WWP1: variants seen among roughly 807,000 people sequenced by gnomAD.
WWP1 encodes WW domain containing E3 ubiquitin protein ligase 1.
A neutral mutation model predicts 130.6 loss-of-function variants in WWP1; 49 were observed. That is an observed-to-expected ratio of 0.38 (90% CI 0.30 to 0.48). The LOEUF (loss-of-function observed/expected upper bound fraction) is 0.48, where lower values mean the gene tolerates loss of function less well. WWP1 is among the 20% of genes least tolerant of loss of function. The pLI is 0.99. For synonymous variants in WWP1, 332 were observed against 367.8 expected (o/e 0.90, Z 1.11); for missense variants, 809 against 1,100.6 (o/e 0.74, Z 3.75).
At chr8:86,454,804 G>A (rs1811353435) in intron 21 of WWP1, among the ~76,000 whole-genome samples, 3 of 152,034 alleles carry the variant, frequency 2.0e-5, no homozygotes, top group Non-Finnish European at 4.4e-5. Context: ...CTGTATGTGG[G>A]AAGGCCATAT....
chr8:86,375,715 T>A (rs983864692), intron 3 of WWP1, among the ~76,000 whole-genome samples: 1 of 152,206 alleles, frequency 6.6e-6, no homozygotes, highest in Non-Finnish European at 1.5e-5. Context: ...TTACCAATAG[T>A]GCTGCAACAA....
At chr8:86,452,938 A>G (rs1368215674) in intron 21 of WWP1, among the ~76,000 whole-genome samples, 1 of 152,184 alleles carries the variant, frequency 6.6e-6, no homozygotes, top group Non-Finnish European at 1.5e-5. Flanking sequence ...TTGTTGGAAC[A>G]TTATTAATAA....
chr8:86,366,588 T>A (rs1049198308), intron 1 of WWP1, among the ~76,000 whole-genome samples: 1 of 152,206 alleles, frequency 6.6e-6, no homozygotes, highest in Admixed American at 6.5e-5. Flanking sequence ...CTTTCTGAAT[T>A]TGCAGGTCAC....
chr8:86,356,018 T>C (rs1823232910), intron 1 of WWP1, among the ~76,000 whole-genome samples: 1 of 152,210 alleles, frequency 6.6e-6, no homozygotes, highest in African/African-American at 2.4e-5. Flanking sequence ...TCTTATCTGT[T>C]AATGGGACTA....
chr8:86,362,179 T>TAGGC, intron 1 of WWP1, among the ~76,000 whole-genome samples: 6 of 126,216 alleles, frequency 4.8e-5, no homozygotes, highest in African/African-American at 9.6e-5. Flanking sequence ...TATATATATA[T>TAGGC]ATATATATAT....
At chr8:86,401,920 A>G in intron 7 of WWP1, 99 bp from the exon 8 acceptor site, 1 of 1,204,372 alleles carries the variant, frequency 8.3e-7, no homozygotes, top group Non-Finnish European at 1.1e-6. Context: ...GAAATAACAA[A>G]AAAGAAACTT....
intron 1 of WWP1, among the ~76,000 whole-genome samples, chr8:86,348,418 A>T (rs1025293118): frequency 1.3e-5 from 2 of 152,058 alleles, no homozygotes; most frequent in Non-Finnish European, 2.9e-5. Flanking sequence ...GGGTTTCTCC[A>T]TGTTGGTCAG....
At chr8:86,371,456 G>A (rs1824293395) in intron 2 of WWP1, among the ~76,000 whole-genome samples, 1 of 152,134 alleles carries the variant, frequency 6.6e-6, no homozygotes, top group African/African-American at 2.4e-5. Flanking sequence ...ACGCCTACCA[G>A]CGGTGTATAA....
At chr8:86,345,810 A>T (rs1050698693) in intron 1 of WWP1, among the ~76,000 whole-genome samples, 2 of 152,114 alleles carry the variant, frequency 1.3e-5, no homozygotes, top group Non-Finnish European at 2.9e-5. Flanking sequence ...GAAACACAAT[A>T]TTACATTTGT....
At chr8:86,353,911 G>A (rs571530433) in intron 1 of WWP1, among the ~76,000 whole-genome samples, 1 of 152,188 alleles carries the variant, frequency 6.6e-6, no homozygotes, top group Non-Finnish European at 1.5e-5. Flanking sequence ...AGTGAATACC[G>A]AACAGAACGT....
intron 2 of WWP1, among the ~76,000 whole-genome samples, chr8:86,373,363 A>G (rs1824444346): frequency 6.6e-6 from 1 of 151,818 alleles, no homozygotes; most frequent in African/African-American, 2.4e-5. Context: ...CTGCTTGTTC[A>G]TTATTATTTT....
At position 86,411,530 on chromosome 8, in the gene WWP1, C is replaced by A; in HGVS notation, c.725-8C>A. The A allele has an allele frequency of 6.2e-7, 1 of 1,602,358 alleles. No homozygotes were observed. The highest frequency in any genetic ancestry group is 8.5e-7 in the Non-Finnish European group (1 of 1,172,702). On this transcript the variant is annotated splice_region_variant and splice_polypyrimidine_tract_variant and intron_variant, in intron 8 of 24. Coordinates refer to ENST00000517970, the MANE Select transcript of WWP1 (RefSeq NM_007013.4). Reference sequence around the variant, plus strand: ...TGATAGATGATTTTATTAATTTTCCCTTCTCAGTTAATGGAGAATCATCCT... The same window carrying A: ...TGATAGATGATTTTATTAATTTTCCATTCTCAGTTAATGGAGAATCATCCT...
rs1190093078 is a variant in WWP1 at position 86,438,690 on chromosome 8, A to G, written c.1838+17A>G. On this transcript the variant is annotated intron_variant, in intron 17 of 24. Coordinates refer to ENST00000517970, the MANE Select transcript of WWP1 (RefSeq NM_007013.4). ...CCTAGCGAGGTAAAATAAAAAACAC[A>G]TATCTGCCTTGAAATAAGTATATCT... 4 of 1,571,376 alleles carry G rather than the reference A, an allele frequency of 2.5e-6. No homozygotes were observed. The highest frequency in any genetic ancestry group is 1.9e-5 in the Admixed American group (1 of 52,864).
chr8:86,427,836 G>C lies in WWP1; in HGVS notation c.1332+19G>C. On this transcript the variant is annotated intron_variant, in intron 11 of 24. Coordinates refer to ENST00000517970, the MANE Select transcript of WWP1 (RefSeq NM_007013.4). ...CTATTCGGTAATTAGCAAATTGTAAGATGTTAACATAACTTCCTCCCTCAG... is the reference window on the plus strand; with the variant it reads ...CTATTCGGTAATTAGCAAATTGTAACATGTTAACATAACTTCCTCCCTCAG... 4 of 1,582,460 alleles carry C rather than the reference G, an allele frequency of 2.5e-6. No homozygotes were observed. The South Asian group carries it at 4.7e-5, about 19-fold the overall frequency.
chr8:86,363,808 AAAAAAAG>A (rs1458396900), intron 1 of WWP1, among the ~76,000 whole-genome samples: 8 of 151,888 alleles, frequency 5.3e-5, no homozygotes, highest in African/African-American at 1.9e-4. Context: ...AAAAAAAAAA[AAAAAAAG>A]AAATTTGTCT....
chr8:86,417,791 C>G (rs926463422), intron 9 of WWP1, among the ~76,000 whole-genome samples: 1 of 152,130 alleles, frequency 6.6e-6, no homozygotes, highest in South Asian at 2.1e-4. Context: ...AGTTCTTAAG[C>G]TCACCACTGA....
intron 20 of WWP1, 64 bp from the exon 21 acceptor site, chr8:86,452,495 G>A (rs2130757668): frequency 1.4e-6 from 2 of 1,392,416 alleles, no homozygotes; most frequent in Non-Finnish European, 2.0e-6. Context: ...GAAGTTCTTG[G>A]TGTTTTTAAG....
At chr8:86,372,264 C>T (rs985638096) in intron 2 of WWP1, among the ~76,000 whole-genome samples, 13 of 151,806 alleles carry the variant, frequency 8.6e-5, no homozygotes, top group African/African-American at 1.7e-4. Context: ...CCTCGTGATC[C>T]GCCCGTCTCG....
At chr8:86,427,946 G>T in intron 11 of WWP1, 129 bp downstream of exon 11, 1 of 738,246 alleles carries the variant, frequency 1.4e-6, no homozygotes. Context: ...TATAGACTGT[G>T]TTACAAGATA....
Sources: gnomAD v4.1 joint callset for allele counts (sites outside exome capture counted in the v4.1 genomes callset) on GRCh38, gnomAD v4.1.1 for gene constraint, MANE v1.5 for transcripts, NCBI Gene and HGNC (gene_info 2026-07-23, HGNC 2026-07-21) for gene names.